FTCDNL1: variants seen among roughly 807,000 people sequenced by gnomAD.
FTCDNL1 encodes formiminotransferase N-terminal subdomain-containing protein.
FTCDNL1 carries 11 observed loss-of-function variants against 5.9 expected under a neutral mutation model. The ratio of observed to expected loss-of-function variants is 1.87; its 90% confidence interval spans 1.18 to 3.10. The LOEUF (loss-of-function observed/expected upper bound fraction) is 3.10, where lower values mean the gene tolerates loss of function less well. FTCDNL1 is among the 30% of genes most tolerant of loss of function. The pLI is 0.00. For missense variants in FTCDNL1, 115 were observed against 65.5 expected, an observed-to-expected ratio of 1.76 and a Z score of -2.61; for synonymous variants, 58 against 24.8, an observed-to-expected ratio of 2.34 and a Z score of -3.99.
At chr2:199,820,365 A>T (rs1701607153) in intron 3 of FTCDNL1, among the ~76,000 whole-genome samples, 1 of 152,190 alleles carries the variant, frequency 6.6e-6, no homozygotes, top group Admixed American at 6.6e-5. Flanking sequence ...GTACTTTGGG[A>T]GGCTGACACA....
the FTCDNL1 span, among the ~76,000 whole-genome samples, chr2:199,702,195 C>G: frequency 6.6e-6 from 1 of 151,974 alleles, no homozygotes; most frequent in African/African-American, 2.4e-5. Context: ...TGTTTATTAC[C>G]TTGGAGATGA....
chr2:199,809,894 A>G lies in FTCDNL1; in HGVS notation c.*2811T>C, dbSNP rs1372950449. Among the ~76,000 whole-genome samples the G allele has an allele frequency of 6.4e-5, 4 of 62,878 alleles. No homozygotes were observed. Among genetic ancestry groups the G allele is most frequent in the Non-Finnish European group, 8.9e-5 (3 of 33,572 alleles). 41.3% of individuals were successfully genotyped at this position (62,878 alleles called of 152,430 possible). ...CCCTCTCATTTTTTAGTCACTTAGT[A>G]CCTGATTTTTTTTTTTTTTGGTAAC... On this transcript the variant is annotated 3_prime_UTR_variant, in exon 5 of 5. Coordinates refer to ENST00000420128, the MANE Select transcript of FTCDNL1 (RefSeq NM_001363886.2).
At position 199,781,939 on chromosome 2, in the gene FTCDNL1, C is replaced by G. The variant is rs115151875; in HGVS notation, c.212-21104G>C. 4.4e-3 allele frequency among the ~76,000 whole-genome samples: 668 copies of G among 152,248 alleles called. 3 individuals carry two copies. Among genetic ancestry groups the G allele is most frequent in the African/African-American group, 0.014 (593 of 41,558 alleles). ...GGACTACAGGCGCCCGCCACCACAC[C>G]TGGCTAATTCCTTTTTTGTATTTTT... is the stretch of plus-strand genomic sequence containing the variant. On this transcript the variant is annotated intron_variant, in intron 3 of 3. Transcript: ENST00000416668.
At chr2:199,750,959 G>C in the FTCDNL1 span, among the ~76,000 whole-genome samples, 1 of 152,128 alleles carries the variant, frequency 6.6e-6, no homozygotes, top group Admixed American at 6.5e-5. Flanking sequence ...TTTTTCATAA[G>C]AGCGGGGGCT....
intron 3 of FTCDNL1, among the ~76,000 whole-genome samples, chr2:199,797,146 A>G (rs1700213632): frequency 6.6e-6 from 1 of 152,244 alleles, no homozygotes; most frequent in Admixed American, 6.5e-5. Context: ...GAAATACAGT[A>G]TAATATTGAA....
the FTCDNL1 span, among the ~76,000 whole-genome samples, chr2:199,688,468 T>C: frequency 1.3e-5 from 2 of 151,974 alleles, no homozygotes; most frequent in Non-Finnish European, 2.9e-5. Flanking sequence ...TTTAAACAAC[T>C]CCCCAAGTAA....
chr2:199,806,079 A>G (rs1478071056), downstream of FTCDNL1, among the ~76,000 whole-genome samples: 2 of 152,214 alleles, frequency 1.3e-5, no homozygotes, highest in Admixed American at 1.3e-4. Context: ...TGCAAATAGG[A>G]ACAAAAGAAG....
intron 3 of FTCDNL1, among the ~76,000 whole-genome samples, chr2:199,826,775 C>G (rs1397963342): frequency 1.3e-5 from 2 of 152,164 alleles, no homozygotes; most frequent in Non-Finnish European, 2.9e-5. Flanking sequence ...GCCTGGGTGA[C>G]AGAGCAAGAC....
the FTCDNL1 span, among the ~76,000 whole-genome samples, chr2:199,665,534 G>A: frequency 6.7e-4 from 102 of 151,646 alleles, 1 homozygote; most frequent in Admixed American, 4.9e-3. Flanking sequence ...TCAGGAGGCT[G>A]AGGTAGGAGA....
rs1701013130 is a variant in FTCDNL1, at chr2:199,811,128, TA to T, written c.*1576del. 6.6e-6 allele frequency among the ~76,000 whole-genome samples: 1 copy of T among 152,250 alleles called. No homozygotes were observed. The highest frequency in any genetic ancestry group is 2.4e-5 in the African/African-American group (1 of 41,466). ...TGAATCAGATTACAGTATTTCCCCA[TA>T]ATGCTGATTTCATAAAAATTAAATT... On this transcript the variant is annotated 3_prime_UTR_variant, in exon 5 of 5. Transcript: ENST00000420128.
At chr2:199,691,016 G>A in the FTCDNL1 span, among the ~76,000 whole-genome samples, 4 of 151,954 alleles carry the variant, frequency 2.6e-5, no homozygotes, top group African/African-American at 9.7e-5. Flanking sequence ...TACAAACATA[G>A]GCCAAAAGCT....
chr2:199,843,841 C>T (rs544885675), intron 3 of FTCDNL1, among the ~76,000 whole-genome samples: 1 of 152,056 alleles, frequency 6.6e-6, no homozygotes, highest in Admixed American at 6.5e-5. Context: ...AAAAACACCT[C>T]AAGTGACATA....
intron 3 of FTCDNL1, among the ~76,000 whole-genome samples, chr2:199,791,364 A>C (rs1418199097): frequency 6.6e-6 from 1 of 152,202 alleles, no homozygotes; most frequent in Admixed American, 6.5e-5. Flanking sequence ...AATATAATCA[A>C]ATTATACATT....
intron 3 of FTCDNL1, among the ~76,000 whole-genome samples, chr2:199,778,864 TA>T (rs1699219635): frequency 6.6e-6 from 1 of 152,240 alleles, no homozygotes; most frequent in Admixed American, 6.5e-5. Context: ...AGGCAAAGGA[TA>T]TTTACTGACT....
intron 3 of FTCDNL1, among the ~76,000 whole-genome samples, chr2:199,777,997 G>A (rs576498272): frequency 6.6e-5 from 10 of 152,214 alleles, no homozygotes; most frequent in East Asian, 3.9e-4. Flanking sequence ...AAAATATAAC[G>A]ATAGAAGTAG....
At chr2:199,703,012 GT>G in the FTCDNL1 span, among the ~76,000 whole-genome samples, 66 of 78,370 alleles carry the variant, frequency 8.4e-4, no homozygotes, top group Non-Finnish European at 1.7e-3. Context: ...AGGACTCTGG[GT>G]TTGTTTGTTT....
At chr2:199,743,696 G>C in the FTCDNL1 span, among the ~76,000 whole-genome samples, 1 of 152,178 alleles carries the variant, frequency 6.6e-6, no homozygotes, top group African/African-American at 2.4e-5. Context: ...AAGCCTCTTA[G>C]TGTCTCGGGG....
chr2:199,841,463 G>A (rs1419308843), intron 3 of FTCDNL1, among the ~76,000 whole-genome samples: 1 of 151,868 alleles, frequency 6.6e-6, no homozygotes, highest in African/African-American at 2.4e-5. Flanking sequence ...AATAAATATA[G>A]ACTAGATCTA....
Position 199,851,035 on chromosome 2 carries a change from C to T in FTCDNL1, c.-303G>A, listed in dbSNP as rs1326524040. 2.0e-5 allele frequency: 3 copies of T among 150,218 alleles called. No individual in the cohort carries two copies. The highest frequency in any genetic ancestry group is 1.9e-4 in the East Asian group (1 of 5,136). The allele number at this position is 150,218 out of a possible 1,614,324, so 9.3% of individuals were successfully genotyped here. On this transcript the variant is annotated 5_prime_UTR_variant, in exon 1 of 5. Coordinates refer to ENST00000420128, the MANE Select transcript of FTCDNL1 (RefSeq NM_001363886.2). Reference sequence around the variant, plus strand: ...CCGGCCGAGCTCTCGAACCAGCGGCCGCGCCTGCCGCTCTGCGGTTTGGGA... The same window carrying T: ...CCGGCCGAGCTCTCGAACCAGCGGCTGCGCCTGCCGCTCTGCGGTTTGGGA...
Sources: gnomAD v4.1 joint callset for allele counts (sites outside exome capture counted in the v4.1 genomes callset) on GRCh38, gnomAD v4.1.1 for gene constraint, MANE v1.5 for transcripts, NCBI Gene and HGNC (gene_info 2026-07-23, HGNC 2026-07-21) for gene names.